The following DMD variants were observed in gnomAD, a reference collection of about 807,000 sequenced individuals.
The protein encoded by DMD is mutant dystrophin.
In DMD, 63 loss-of-function variants were observed where a neutral mutation model predicts 330.1. The ratio of observed to expected loss-of-function variants is 0.19; its 90% CI spans 0.16 to 0.24. DMD has a LOEUF of 0.24. Ranked by LOEUF, DMD falls within the 10% of genes least tolerant of loss-of-function variation. The probability of loss-of-function intolerance (pLI) is 1.00; values close to 1 mark genes in which losing one functional copy is unlikely to be tolerated. For missense variants in DMD, 3,344 were observed against 2,684.1 expected (o/e 1.25, Z -5.43); for synonymous variants, 1,223 against 959.8 (o/e 1.27, Z -5.07).
At chrX:33,032,818 C>T (rs912349912) in intron 1 of DMD, among the ~76,000 whole-genome samples, 14 of 112,289 alleles carry the variant, frequency 1.2e-4, no homozygotes, top group Non-Finnish European at 2.6e-4. Context: ...GTGCCAAATA[C>T]TGAAAGCACT....
intron 44 of DMD, among the ~76,000 whole-genome samples, chrX:32,155,623 T>C (rs2096826594): frequency 8.9e-6 from 1 of 111,779 alleles, no homozygotes. Context: ...TGGAGATTAT[T>C]TCTGGAAGCA....
chrX:31,788,758 G>A (rs953597693), intron 50 of DMD, among the ~76,000 whole-genome samples: 2 of 110,709 alleles, frequency 1.8e-5, no homozygotes, highest in African/African-American at 6.6e-5. Flanking sequence ...CCAATGTTGG[G>A]TGCATATATA....
At chrX:31,770,625 G>C (rs1202751266) in intron 51 of DMD, among the ~76,000 whole-genome samples, 1 of 111,672 alleles carries the variant, frequency 9.0e-6, no homozygotes, top group African/African-American at 3.3e-5. Context: ...CCTGAAGAAA[G>C]CCCCAACAGC....
At chrX:32,984,995 A>G (rs1285540019) in intron 2 of DMD, among the ~76,000 whole-genome samples, 1 of 112,326 alleles carries the variant, frequency 8.9e-6, no homozygotes, top group Non-Finnish European at 1.9e-5. Context: ...TGAAAGATGT[A>G]CAATATAATT....
intron 53 of DMD, among the ~76,000 whole-genome samples, chrX:31,671,078 AATTTTTTGT>A (rs1363042428): frequency 9.0e-6 from 1 of 110,997 alleles, no homozygotes; most frequent in Admixed American, 9.5e-5. Context: ...GTGCCCAGCT[AATTTTTTGT>A]ATTTTTAGCA....
chrX:31,475,886 TA>T (rs2067705312), intron 59 of DMD, among the ~76,000 whole-genome samples: 1 of 111,726 alleles, frequency 9.0e-6, no homozygotes, highest in Non-Finnish European at 1.9e-5. Context: ...GTTTCTTTTA[TA>T]ACTACCTGTC....
chrX:31,974,460 C>T (rs1297904071), intron 44 of DMD, among the ~76,000 whole-genome samples: 4 of 109,980 alleles, frequency 3.6e-5, no homozygotes, highest in Admixed American at 2.9e-4. Context: ...TTACAATGAA[C>T]GATCAGAAAT....
intron 60 of DMD, among the ~76,000 whole-genome samples, chrX:31,372,914 C>A (rs994339190): frequency 2.7e-5 from 3 of 111,521 alleles, no homozygotes; most frequent in Non-Finnish European, 5.6e-5. Flanking sequence ...GATTGTATAT[C>A]TAGAAAACCC....
chrX:31,952,373 A>G (rs1284868190), intron 45 of DMD, among the ~76,000 whole-genome samples: 1 of 109,990 alleles, frequency 9.1e-6, no homozygotes, highest in Non-Finnish European at 1.9e-5. Flanking sequence ...GCTATGACTC[A>G]TGTTCGTTTT....
At chrX:32,869,560 G>T (rs1445324739) in intron 2 of DMD, among the ~76,000 whole-genome samples, 1 of 87,737 alleles carries the variant, frequency 1.1e-5, no homozygotes, top group Non-Finnish European at 2.4e-5. Context: ...TAACATAAAT[G>T]ACCCAAGGGA....
At chrX:32,481,723 A>C (rs193182988) in intron 21 of DMD, among the ~76,000 whole-genome samples, 71 of 111,874 alleles carry the variant, frequency 6.3e-4, no homozygotes, top group African/African-American at 2.2e-3. Context: ...ATCTCCCCAG[A>C]ATCACGGTTT....
chrX:32,736,494 T>C (rs7056029), intron 7 of DMD, among the ~76,000 whole-genome samples: 6 of 109,805 alleles, frequency 5.5e-5, no homozygotes, highest in African/African-American at 1.7e-4. Flanking sequence ...TTATTCACGA[T>C]AGCAAAGACT....
At chrX:31,165,109 A>G (rs2085467237) in intron 74 of DMD, among the ~76,000 whole-genome samples, 1 of 112,155 alleles carries the variant, frequency 8.9e-6, no homozygotes, top group Non-Finnish European at 1.9e-5. Context: ...GATAGCTACT[A>G]GACTAGGTCC....
intron 41 of DMD, among the ~76,000 whole-genome samples, chrX:32,336,106 A>G (rs1381447671): frequency 9.1e-6 from 1 of 109,690 alleles, no homozygotes; most frequent in East Asian, 2.9e-4. Context: ...GTATACGTAC[A>G]TGTTATATAT....
chrX:33,087,950 C>T (rs1370808534), intron 1 of DMD, among the ~76,000 whole-genome samples: 3 of 111,492 alleles, frequency 2.7e-5, no homozygotes, highest in Non-Finnish European at 5.6e-5. Context: ...ACCTCCTTTA[C>T]GAAACTAATC....
At chrX:31,161,878 C>T (rs149140847) in intron 74 of DMD, among the ~76,000 whole-genome samples, 3,614 of 110,946 alleles carry the variant, frequency 0.033, 146 homozygotes, top group African/African-American at 0.11. Context: ...CAGTAGTCCC[C>T]ACCTACCATC....
intron 43 of DMD, among the ~76,000 whole-genome samples, chrX:32,254,611 T>TTA (rs2097291217): frequency 4.5e-5 from 5 of 111,795 alleles, no homozygotes; most frequent in Non-Finnish European, 3.8e-5. Flanking sequence ...AATAAGTAAG[T>TTA]ACACAAATAA....
At chrX:31,491,412 A>G (rs756552310) in intron 57 of DMD, among the ~76,000 whole-genome samples, 1 of 112,335 alleles carries the variant, frequency 8.9e-6, no homozygotes, top group Non-Finnish European at 1.9e-5. Flanking sequence ...TTTAAAATAT[A>G]TCTGGACCAG....
intron 13 of DMD, among the ~76,000 whole-genome samples, chrX:32,584,682 G>A (rs1192070797): frequency 8.9e-6 from 1 of 111,978 alleles, no homozygotes; most frequent in Non-Finnish European, 1.9e-5. Context: ...ATATATAAAA[G>A]TTTCATTTAC....
Sources: allele counts gnomAD v4.1 joint callset (sites outside exome capture counted in the v4.1 genomes callset), GRCh38; gene constraint gnomAD v4.1.1; transcripts MANE v1.5; gene names NCBI Gene and HGNC (gene_info 2026-07-23, HGNC 2026-07-21).